CFDP1: variants seen among roughly 807,000 people sequenced by gnomAD.
The protein encoded by CFDP1 is chromatin remodeling protein CFDP1, also known as heterochromatin-stabilizing protein CFDP1.
A neutral mutation model predicts 40.1 loss-of-function variants in CFDP1; 31 were observed. The observed-to-expected ratio is 0.77, with a 90% CI of 0.58 to 1.04. CFDP1 has a LOEUF of 1.04. Among genes scored for constraint, CFDP1 ranks in the 50% least tolerant of loss-of-function variants. The pLI, the probability that CFDP1 is intolerant of heterozygous loss-of-function variation, is 0.00. For synonymous variants in CFDP1, 167 were observed against 120.0 expected (o/e 1.39, Z -2.56); for missense variants, 423 against 343.4 (o/e 1.23, Z -1.83).
intron 5 of CFDP1, among the ~76,000 whole-genome samples, chr16:75,345,271 C>T (rs762212441): frequency 6.6e-6 from 1 of 151,296 alleles, no homozygotes; most frequent in Non-Finnish European, 1.5e-5. Flanking sequence ...AGCCTGGCCA[C>T]CATAGCAAAA....
intron 5 of CFDP1, among the ~76,000 whole-genome samples, chr16:75,331,305 C>T (rs992074184): frequency 1.3e-5 from 2 of 152,134 alleles, no homozygotes; most frequent in East Asian, 3.8e-4. Flanking sequence ...TTTGTAGAGA[C>T]AGAGTCTTGC....
intron 5 of CFDP1, among the ~76,000 whole-genome samples, chr16:75,321,470 C>G (rs2078363091): frequency 6.6e-6 from 1 of 152,208 alleles, no homozygotes; most frequent in South Asian, 2.1e-4. Context: ...AACTACTAAT[C>G]TACTTTCTGC....
rs973182333 is a variant in CFDP1, at chr16:75,335,449, T to C, written c.651-30267A>G. Among the ~76,000 whole-genome samples, 7 of 152,160 alleles carry C rather than the reference T, an allele frequency of 4.6e-5. No individual in the cohort carries two copies. The East Asian group carries it at 1.3e-3, about 29-fold the overall frequency. On this transcript the variant is annotated intron_variant, in intron 5 of 6. Coordinates refer to ENST00000283882, the MANE Select transcript of CFDP1 (RefSeq NM_006324.3). ...ACCACTGTTACCAGTTTCTTATGTG[T>C]CCATCCGGAGAGATTCTCTGCATAT...
intron 5 of CFDP1, among the ~76,000 whole-genome samples, chr16:75,321,020 C>T (rs1280188243): frequency 6.6e-6 from 1 of 152,104 alleles, no homozygotes; most frequent in Non-Finnish European, 1.5e-5. Flanking sequence ...GTTTTGAACT[C>T]CTGGGCTCAA....
At chr16:75,297,212 G>T (rs2078190038) in intron 6 of CFDP1, among the ~76,000 whole-genome samples, 1 of 139,786 alleles carries the variant, frequency 7.2e-6, no homozygotes, top group Non-Finnish European at 1.6e-5. Context: ...TAGAGATGGG[G>T]TTTTGCCATG....
chr16:75,333,687 G>C (rs11646418), intron 5 of CFDP1, among the ~76,000 whole-genome samples: 129,798 of 152,156 alleles, frequency 0.85, 55,506 homozygotes, highest in Middle Eastern at 0.91. Flanking sequence ...TGAGCCAACG[G>C]TGATCCCAGG....
At chr16:75,420,438 G>A (rs370330744) in intron 1 of CFDP1, among the ~76,000 whole-genome samples, 19 of 152,330 alleles carry the variant, frequency 1.2e-4, no homozygotes, top group African/African-American at 4.1e-4. Flanking sequence ...ACAACGCCAT[G>A]AGGGAATAAC....
At chr16:75,337,340 T>G (rs541997206) in intron 5 of CFDP1, among the ~76,000 whole-genome samples, 1 of 152,268 alleles carries the variant, frequency 6.6e-6, no homozygotes, top group African/African-American at 2.4e-5. Flanking sequence ...GGAAGGATGG[T>G]GGAGTCGCTG....
chr16:75,384,901 G>A (rs890468412), intron 5 of CFDP1, among the ~76,000 whole-genome samples: 5 of 90,132 alleles, frequency 5.5e-5, no homozygotes, highest in African/African-American at 9.5e-5. Flanking sequence ...TATATATATT[G>A]CAGACCAGTA....
chr16:75,299,924 G>C (rs1197463661), intron 6 of CFDP1, among the ~76,000 whole-genome samples: 1 of 152,100 alleles, frequency 6.6e-6, no homozygotes, highest in East Asian at 1.9e-4. Flanking sequence ...AGCCTCCTGG[G>C]GAAGGAGCAC....
At chr16:75,340,155 C>T (rs920527206) in intron 5 of CFDP1, among the ~76,000 whole-genome samples, 1 of 152,200 alleles carries the variant, frequency 6.6e-6, no homozygotes, top group Non-Finnish European at 1.5e-5. Flanking sequence ...CAATTCATCG[C>T]AATCTAATCG....
intron 4 of CFDP1, among the ~76,000 whole-genome samples, chr16:75,399,721 C>T (rs978395670): frequency 2.0e-5 from 3 of 152,004 alleles, no homozygotes; most frequent in South Asian, 4.2e-4. Flanking sequence ...GTAGCTCGGG[C>T]CTGTAATTCC....
intron 5 of CFDP1, among the ~76,000 whole-genome samples, chr16:75,353,717 C>G (rs929023931): frequency 7.3e-6 from 1 of 137,334 alleles, no homozygotes; most frequent in Non-Finnish European, 1.5e-5. Context: ...CCACTGCACT[C>G]CAGCCTGGGC....
chr16:75,313,954 G>A (rs1364248730), intron 5 of CFDP1, among the ~76,000 whole-genome samples: 2 of 151,844 alleles, frequency 1.3e-5, no homozygotes, highest in African/African-American at 2.4e-5. Context: ...GTGCAATCTT[G>A]GCTCACCGCA....
chr16:75,298,756 C>T (rs538348295), intron 6 of CFDP1, among the ~76,000 whole-genome samples: 1 of 152,294 alleles, frequency 6.6e-6, no homozygotes, highest in Non-Finnish European at 1.5e-5. Flanking sequence ...ACTGGAAGGG[C>T]AGTTTCTAAT....
chr16:75,332,573 G>A (rs900973566), intron 5 of CFDP1, among the ~76,000 whole-genome samples: 1 of 151,826 alleles, frequency 6.6e-6, no homozygotes, highest in African/African-American at 2.4e-5. Flanking sequence ...AGGCTGAAGT[G>A]GGAGTATCCT....
intron 1 of CFDP1, among the ~76,000 whole-genome samples, chr16:75,415,489 T>A (rs2079195323): frequency 6.6e-6 from 1 of 152,208 alleles, no homozygotes; most frequent in Admixed American, 6.5e-5. Flanking sequence ...ATTAGCAGCA[T>A]CCCAGAAGGC....
chr16:75,410,989 C>T (rs1411119463), intron 4 of CFDP1, among the ~76,000 whole-genome samples: 3 of 150,762 alleles, frequency 2.0e-5, no homozygotes, highest in African/African-American at 7.3e-5. Flanking sequence ...GAGGCCAAGG[C>T]GGGTGGATCA....
At chr16:75,421,083 C>T (rs2079274373) in intron 1 of CFDP1, among the ~76,000 whole-genome samples, 1 of 152,130 alleles carries the variant, frequency 6.6e-6, no homozygotes, top group Admixed American at 6.6e-5. Flanking sequence ...TCCGGCCAGC[C>T]AGCAGACTAG....
Sources: allele counts gnomAD v4.1 joint callset (sites outside exome capture counted in the v4.1 genomes callset), GRCh38; gene constraint gnomAD v4.1.1; transcripts MANE v1.5; gene names NCBI Gene and HGNC (gene_info 2026-07-23, HGNC 2026-07-21).